Variants in APBA1 observed in about 807,000 individuals in gnomAD.
The protein encoded by APBA1 is amyloid-beta A4 precursor protein-binding family A member 1.
In APBA1, 55 loss-of-function variants were observed where a neutral mutation model predicts 86.6. That is an observed-to-expected ratio of 0.64 (90% CI 0.51 to 0.80). The LOEUF (loss-of-function observed/expected upper bound fraction) is 0.80. Among genes scored for constraint, APBA1 ranks in the 30% least tolerant of loss-of-function variants. The probability of loss-of-function intolerance (pLI) is 0.00; values close to 1 mark genes in which losing one functional copy is unlikely to be tolerated. For missense variants in APBA1, 1,090 were observed against 1,183.0 expected, an observed-to-expected ratio of 0.92 and a Z score of 1.15; for synonymous variants, 511 against 493.9, an observed-to-expected ratio of 1.03 and a Z score of -0.46.
intron 2 of APBA1, chr9:69,494,326 C>T (rs1159823054): frequency 6.6e-6 from 1 of 152,068 alleles, no homozygotes; most frequent in Non-Finnish European, 1.5e-5. Flanking sequence ...CGGTTAAACC[C>T]ATGTTAAATC....
At chr9:69,522,345 A>G (rs1836266904) in intron 1 of APBA1, among the ~76,000 whole-genome samples, 1 of 150,398 alleles carries the variant, frequency 6.6e-6, no homozygotes, top group Non-Finnish European at 1.5e-5. Context: ...ACTTCTAGAC[A>G]TTGGCATGAT....
rs1342216337 is a variant in APBA1 at position 69,428,815 on chromosome 9, G to C, written c.*2512C>G. ...TGGGAAAAAGAACCCACTTCAGCTGGGTGGACCTGTACCGAGCTCCAGCAA... is the reference window on the plus strand; with the variant it reads ...TGGGAAAAAGAACCCACTTCAGCTGCGTGGACCTGTACCGAGCTCCAGCAA... On this transcript the variant is annotated 3_prime_UTR_variant, in exon 13 of 13. Coordinates refer to ENST00000265381, the MANE Select transcript of APBA1 (RefSeq NM_001163.4). 1 of 152,162 alleles carries C rather than the reference G, an allele frequency of 6.6e-6. No homozygotes were observed. The highest frequency in any genetic ancestry group is 1.5e-5 in the Non-Finnish European group (1 of 68,030). The allele number at this position is 152,162 out of a possible 1,614,324, so 9.4% of individuals were successfully genotyped here.
chr9:69,659,146 C>A (rs1192244776), intron 1 of APBA1, among the ~76,000 whole-genome samples: 1 of 152,196 alleles, frequency 6.6e-6, no homozygotes, highest in African/African-American at 2.4e-5. Flanking sequence ...AGCACACCAA[C>A]TTATACAGAC....
intron 1 of APBA1, among the ~76,000 whole-genome samples, chr9:69,562,385 T>G (rs553359380): frequency 6.6e-6 from 1 of 152,028 alleles, no homozygotes; most frequent in South Asian, 2.1e-4. Flanking sequence ...CTTTTCTTTT[T>G]TTTTTTTGAC....
chr9:69,456,158 T>G (rs942630976), intron 8 of APBA1, 89 bp downstream of exon 8: 28 of 1,361,352 alleles, frequency 2.1e-5, no homozygotes, highest in Non-Finnish European at 2.8e-5. Flanking sequence ...AATAAATACA[T>G]GCATCATGTG....
Position 69,569,813 on chromosome 9 carries a change from CA to C in APBA1, c.-69-52535del, listed in dbSNP as rs936424284. Among the ~76,000 whole-genome samples the C allele has an allele frequency of 1.6e-4, 25 of 152,108 alleles. No homozygotes were observed. The East Asian group carries it at 2.1e-3, about 13-fold the overall frequency. The stretch of plus-strand genomic sequence containing the variant: ...CAATAATACTGATTCAAAAATGGCC[CA>C]AAAACTTGCTAGAGTTTTTTTTTTC... On this transcript the variant is annotated intron_variant, in intron 1 of 12. Coordinates refer to ENST00000265381, the MANE Select transcript of APBA1 (RefSeq NM_001163.4).
intron 1 of APBA1, among the ~76,000 whole-genome samples, chr9:69,526,087 A>G (rs547217118): frequency 6.6e-6 from 1 of 152,260 alleles, no homozygotes; most frequent in East Asian, 1.9e-4. Flanking sequence ...ATAAATGTAA[A>G]ATACCAAACT....
chr9:69,558,364 C>G (rs2133935518), intron 1 of APBA1, among the ~76,000 whole-genome samples: 1 of 151,870 alleles, frequency 6.6e-6, no homozygotes, highest in East Asian at 1.9e-4. Context: ...ACCCATTATT[C>G]CATTAGTAAT....
At chr9:69,562,260 G>T (rs993813162) in intron 1 of APBA1, among the ~76,000 whole-genome samples, 3 of 152,016 alleles carry the variant, frequency 2.0e-5, no homozygotes, top group East Asian at 1.9e-4. Context: ...ATACAAAAGG[G>T]ATTAGCTTGC....
At chr9:69,571,703 TTGA>T (rs1303807429) in intron 1 of APBA1, among the ~76,000 whole-genome samples, 2 of 152,226 alleles carry the variant, frequency 1.3e-5, no homozygotes, top group African/African-American at 2.4e-5. Context: ...GTTTCTAGTG[TTGA>T]TAACTATTAT....
At chr9:69,647,527 G>A (rs1466326096) in intron 1 of APBA1, among the ~76,000 whole-genome samples, 1 of 152,164 alleles carries the variant, frequency 6.6e-6, no homozygotes, top group Non-Finnish European at 1.5e-5. Flanking sequence ...ACACATAATT[G>A]CTATCTGACA....
At chr9:69,650,206 T>C (rs554637813) in intron 1 of APBA1, among the ~76,000 whole-genome samples, 1 of 152,348 alleles carries the variant, frequency 6.6e-6, no homozygotes, top group African/African-American at 2.4e-5. Context: ...TGCTTCAGTG[T>C]CCTCATCTGC....
intron 10 of APBA1, among the ~76,000 whole-genome samples, chr9:69,442,310 G>A (rs1834837581): frequency 6.6e-6 from 1 of 152,170 alleles, no homozygotes; most frequent in Admixed American, 6.5e-5. Flanking sequence ...GTAGCTGCAG[G>A]CCCTGCAGCC....
intron 1 of APBA1, among the ~76,000 whole-genome samples, chr9:69,658,240 C>CTTTA (rs1366029678): frequency 5.3e-5 from 1 of 19,024 alleles, no homozygotes; most frequent in Non-Finnish European, 2.7e-4. Flanking sequence ...TTCTTTCTTT[C>CTTTA]TTTCTTTCTT....
intron 1 of APBA1, among the ~76,000 whole-genome samples, chr9:69,551,999 A>G (rs112461524): frequency 2.0e-5 from 3 of 152,358 alleles, no homozygotes; most frequent in African/African-American, 7.2e-5. Flanking sequence ...AGAGGCCAAC[A>G]TGAAACTGTT....
At chr9:69,592,097 T>C (rs1822142017) in intron 1 of APBA1, among the ~76,000 whole-genome samples, 1 of 152,222 alleles carries the variant, frequency 6.6e-6, no homozygotes, top group Non-Finnish European at 1.5e-5. Context: ...ACTGGGTTAT[T>C]ATGTTTTCTT....
intron 1 of APBA1, among the ~76,000 whole-genome samples, chr9:69,576,153 A>G (rs1038268766): frequency 2.6e-5 from 4 of 152,228 alleles, no homozygotes; most frequent in African/African-American, 9.6e-5. Context: ...CAAAACCACA[A>G]TGAGATACCA....
intron 2 of APBA1, among the ~76,000 whole-genome samples, chr9:69,493,790 T>C (rs1214494257): frequency 2.0e-5 from 3 of 152,112 alleles, no homozygotes; most frequent in Non-Finnish European, 4.4e-5. Flanking sequence ...AGAGTGGGTC[T>C]GAACACACGC....
At chr9:69,572,952 G>C (rs1395871268) in intron 1 of APBA1, among the ~76,000 whole-genome samples, 1 of 152,050 alleles carries the variant, frequency 6.6e-6, no homozygotes, top group Non-Finnish European at 1.5e-5. Context: ...TTTTGGGGTG[G>C]GGAGAGGTAT....
Sources: allele counts gnomAD v4.1 joint callset (sites outside exome capture counted in the v4.1 genomes callset), GRCh38; gene constraint gnomAD v4.1.1; transcripts MANE v1.5; gene names NCBI Gene and HGNC (gene_info 2026-07-23, HGNC 2026-07-21).